Variants in PRKN observed in about 807,000 individuals in gnomAD.
PRKN encodes E3 ubiquitin-protein ligase parkin.
PRKN carries 56 observed loss-of-function variants against 59.5 expected under a neutral mutation model. The ratio of observed to expected loss-of-function variants is 0.94; its 90% confidence interval spans 0.76 to 1.18. The LOEUF is 1.18. Ranked by LOEUF, PRKN falls within the 50% of genes most tolerant of loss-of-function variation. The probability of loss-of-function intolerance (pLI) is 0.00; values close to 1 mark genes in which losing one functional copy is unlikely to be tolerated. For synonymous variants in PRKN, 250 were observed against 222.1 expected (o/e 1.13, Z -1.12); for missense variants, 657 against 596.4 (o/e 1.10, Z -1.06).
At chr6:162,379,022 C>G (rs748450312) in intron 2 of PRKN, among the ~76,000 whole-genome samples, 4 of 152,154 alleles carry the variant, frequency 2.6e-5, no homozygotes, top group Non-Finnish European at 4.4e-5. Context: ...AACTGGCAGG[C>G]CTTTATTCAA....
chr6:161,874,070 ATAT>A (rs1274117333), intron 6 of PRKN, among the ~76,000 whole-genome samples: 1 of 54,730 alleles, frequency 1.8e-5, no homozygotes, highest in African/African-American at 7.1e-5. Flanking sequence ...TATATAATAT[ATAT>A]TATATGTAAA....
At chr6:161,912,105 G>A (rs935348757) in intron 6 of PRKN, among the ~76,000 whole-genome samples, 1 of 151,580 alleles carries the variant, frequency 6.6e-6, no homozygotes, top group Non-Finnish European at 1.5e-5. Flanking sequence ...TTGAACCCAG[G>A]AGGCAGCAGT....
chr6:161,450,850 C>T (rs555714210), intron 9 of PRKN, among the ~76,000 whole-genome samples: 7 of 152,210 alleles, frequency 4.6e-5, no homozygotes, highest in African/African-American at 9.6e-5. Flanking sequence ...CCACCATGCC[C>T]GGCTTGTTTT....
intron 1 of PRKN, chr6:162,695,200 G>A (rs975700245): frequency 3.9e-5 from 6 of 152,050 alleles, no homozygotes; most frequent in African/African-American, 9.7e-5. Context: ...GCCAGCACTT[G>A]CCCATTTAAC....
intron 9 of PRKN, among the ~76,000 whole-genome samples, chr6:161,532,166 CTATATATA>C (rs200674940): frequency 0.23 from 26,695 of 115,112 alleles, 2,981 homozygotes; most frequent in East Asian, 0.38. Flanking sequence ...CTCTCTCTCT[CTATATATA>C]TATATATATA....
intron 1 of PRKN, among the ~76,000 whole-genome samples, chr6:162,481,377 G>T (rs1383782936): frequency 6.6e-6 from 1 of 152,086 alleles, no homozygotes; most frequent in Non-Finnish European, 1.5e-5. Flanking sequence ...TTCTGAAACT[G>T]GTTGCTGATA....
At position 161,376,603 on chromosome 6, in the gene PRKN, C is replaced by G. The variant is rs565715124; in HGVS notation, c.1167+10191G>C. 3.3e-5 allele frequency among the ~76,000 whole-genome samples: 5 copies of G among 152,282 alleles called. No individual in the cohort carries two copies. In the East Asian group the frequency reaches 9.7e-4, roughly 29 times the overall value. ...CCCTTTTAGGGGGTGCTCTGCTCTG[C>G]TCCCAGTCCCACCACCTTGGGACTG... On this transcript the variant is annotated intron_variant, in intron 10 of 11. Transcript: ENST00000366898. The surrounding 1 kb of genome is among the most constrained non-coding windows in gnomAD (Gnocchi z 7.3).
intron 4 of PRKN, among the ~76,000 whole-genome samples, chr6:162,187,692 G>T (rs1562567553): frequency 6.6e-6 from 1 of 152,136 alleles, no homozygotes; most frequent in African/African-American, 2.4e-5. Context: ...GGCCCTGGGA[G>T]AAAATCTATT....
At chr6:161,657,520 T>C (rs747040856) in intron 7 of PRKN, among the ~76,000 whole-genome samples, 2 of 152,172 alleles carry the variant, frequency 1.3e-5, no homozygotes, top group Non-Finnish European at 2.9e-5. Flanking sequence ...TCATTAGTAA[T>C]TTTTTAAAAA....
chr6:162,135,858 T>G (rs1041645202), intron 4 of PRKN, among the ~76,000 whole-genome samples: 1 of 152,080 alleles, frequency 6.6e-6, no homozygotes, highest in African/African-American at 2.4e-5. Flanking sequence ...CCACTTTATT[T>G]AAAGAACAAA....
At chr6:161,706,053 G>A (rs1435832265) in intron 7 of PRKN, among the ~76,000 whole-genome samples, 1 of 151,568 alleles carries the variant, frequency 6.6e-6, no homozygotes, top group Non-Finnish European at 1.5e-5. Flanking sequence ...ACCAGATAAT[G>A]TGGCCCTTCG....
chr6:162,648,052 T>A (rs919589282), intron 1 of PRKN, among the ~76,000 whole-genome samples: 1 of 149,428 alleles, frequency 6.7e-6, no homozygotes, highest in Non-Finnish European at 1.5e-5. Context: ...CCCAACTAAT[T>A]ACAGAAAGGT....
chr6:162,195,885 C>A (rs749340038), intron 4 of PRKN, among the ~76,000 whole-genome samples: 2 of 152,160 alleles, frequency 1.3e-5, no homozygotes, highest in Admixed American at 6.5e-5. Flanking sequence ...ATTTTGCTCC[C>A]AGGAAAATAT....
At chr6:161,955,319 G>A (rs1357382371) in intron 6 of PRKN, among the ~76,000 whole-genome samples, 1 of 152,010 alleles carries the variant, frequency 6.6e-6, no homozygotes, top group Non-Finnish European at 1.5e-5. Flanking sequence ...TCCCCATTGG[G>A]AAAAAACTAC....
chr6:162,256,016 G>A lies in PRKN; in HGVS notation c.412+6509C>T, dbSNP rs190227905. Among the ~76,000 whole-genome samples the A allele has an allele frequency of 3.4e-4, 51 of 152,210 alleles. No homozygotes were observed. In the East Asian group the frequency reaches 8.5e-3, roughly 25 times the overall value. On this transcript the variant is annotated intron_variant, in intron 3 of 11. Coordinates refer to ENST00000366898, the MANE Select transcript of PRKN (RefSeq NM_004562.3). ...TTGAGCATTAATTTGCAAAGAATTA[G>A]AATCTAATAACACACCTCTAACACC... is the stretch of plus-strand genomic sequence containing the variant.
chr6:161,851,717 C>G lies in PRKN; in HGVS notation c.735-65809G>C, dbSNP rs567094667. 7.7e-4 allele frequency among the ~76,000 whole-genome samples: 116 copies of G among 151,290 alleles called. 1 individual carries two copies. Among genetic ancestry groups the G allele is most frequent in the African/African-American group, 2.7e-3 (111 of 41,374 alleles). On this transcript the variant is annotated intron_variant, in intron 6 of 11. Coordinates refer to ENST00000366898, the MANE Select transcript of PRKN (RefSeq NM_004562.3). ...GCCAGTCTGGTCTCGAACTCCTGAC[C>G]TCAGGTGATCCACCCGCTGAAGTCC...
At chr6:161,619,919 A>G (rs970360118) in intron 7 of PRKN, among the ~76,000 whole-genome samples, 10 of 149,862 alleles carry the variant, frequency 6.7e-5, no homozygotes, top group Non-Finnish European at 1.3e-4. Flanking sequence ...AATTAACTTC[A>G]CCTTTAATGT....
intron 7 of PRKN, among the ~76,000 whole-genome samples, chr6:161,701,944 G>T (rs1041512103): frequency 6.6e-6 from 1 of 152,132 alleles, no homozygotes; most frequent in Admixed American, 6.6e-5. Context: ...TTGACAAGCC[G>T]CATACACTTA....
chr6:162,291,726 C>T (rs1219480572), intron 2 of PRKN, among the ~76,000 whole-genome samples: 1 of 152,070 alleles, frequency 6.6e-6, no homozygotes, highest in Non-Finnish European at 1.5e-5. Flanking sequence ...CTTTAAAAAG[C>T]TTTTCCTTTC....
Sources: allele counts gnomAD v4.1 joint callset (sites outside exome capture counted in the v4.1 genomes callset), GRCh38; gene constraint gnomAD v4.1.1; non-coding constraint Gnocchi (gnomAD v3.1); transcripts MANE v1.5; gene names NCBI Gene and HGNC (gene_info 2026-07-23, HGNC 2026-07-21).